The following ACOXL variants were observed in gnomAD, a reference collection of about 807,000 sequenced individuals.
ACOXL encodes the protein acyl-coenzyme A oxidase-like protein.
ACOXL carries 70 observed loss-of-function variants against 71.9 expected under a neutral mutation model. The observed-to-expected ratio is 0.97, with a 90% CI of 0.80 to 1.19. The LOEUF (loss-of-function observed/expected upper bound fraction) is 1.19, where lower values mean the gene tolerates loss of function less well. Among genes scored for constraint, ACOXL ranks in the 50% most tolerant of loss-of-function variants. The probability of loss-of-function intolerance (pLI) is 0.00; values close to 1 mark genes in which losing one functional copy is unlikely to be tolerated. For synonymous variants in ACOXL, 253 were observed against 281.6 expected (o/e 0.90, Z 1.02); for missense variants, 703 against 736.3 (o/e 0.95, Z 0.52).
chr2:111,104,791 A>G (rs1450737087), intron 17 of ACOXL, among the ~76,000 whole-genome samples: 2 of 152,138 alleles, frequency 1.3e-5, no homozygotes, highest in East Asian at 3.8e-4. Flanking sequence ...CTCTTTTAAT[A>G]TGGTCTTCAA....
chr2:110,983,990 C>T (rs1011693050), intron 12 of ACOXL, among the ~76,000 whole-genome samples: 5 of 152,040 alleles, frequency 3.3e-5, no homozygotes, highest in African/African-American at 4.8e-5. Context: ...ACTATAAGCA[C>T]GCACCACCAT....
chr2:111,082,239 C>G (rs1213924422), intron 16 of ACOXL, among the ~76,000 whole-genome samples: 1 of 151,826 alleles, frequency 6.6e-6, no homozygotes, highest in African/African-American at 2.4e-5. Flanking sequence ...AGGCAACCTA[C>G]AGAATGGGAG....
chr2:110,928,247 A>C (rs1334225353), intron 11 of ACOXL, among the ~76,000 whole-genome samples: 2 of 152,252 alleles, frequency 1.3e-5, no homozygotes, highest in Non-Finnish European at 2.9e-5. Context: ...GCACTGTCCT[A>C]AGATTTCATG....
At chr2:110,825,353 C>T (rs888499583) in intron 9 of ACOXL, among the ~76,000 whole-genome samples, 5 of 152,014 alleles carry the variant, frequency 3.3e-5, no homozygotes, top group South Asian at 2.1e-4. Flanking sequence ...GGAAAGCTAC[C>T]CTGTGCCACT....
intron 10 of ACOXL, among the ~76,000 whole-genome samples, chr2:110,865,489 A>G (rs1401526066): frequency 6.6e-6 from 1 of 152,238 alleles, no homozygotes; most frequent in Non-Finnish European, 1.5e-5. Context: ...CGAAGGAGTG[A>G]TGAGTCACCT....
At chr2:111,087,893 A>G (rs1449313481) in intron 16 of ACOXL, among the ~76,000 whole-genome samples, 1 of 152,226 alleles carries the variant, frequency 6.6e-6, no homozygotes, top group Non-Finnish European at 1.5e-5. Flanking sequence ...TTTGCAAACT[A>G]TACATCTGAC....
chr2:111,040,274 A>G (rs2065716633), intron 15 of ACOXL, among the ~76,000 whole-genome samples: 1 of 152,204 alleles, frequency 6.6e-6, no homozygotes, highest in South Asian at 2.1e-4. Context: ...GCCTCAGACC[A>G]TAGGACCAAT....
chr2:110,774,425 G>T (rs1352137673), intron 2 of ACOXL, among the ~76,000 whole-genome samples: 1 of 152,106 alleles, frequency 6.6e-6, no homozygotes, highest in East Asian at 1.9e-4. Context: ...CTTTTATGTA[G>T]AAAACCCCAA....
rs377333994 is a variant in ACOXL, at chr2:110,985,940, G to T, written c.1060-1168G>T. Among the ~76,000 whole-genome samples the T allele has an allele frequency of 3.3e-4, 51 of 152,266 alleles. No individual in the cohort carries two copies. In the East Asian group the frequency reaches 9.5e-3, roughly 28 times the overall value. On this transcript the variant is annotated intron_variant, in intron 12 of 17. Transcript: ENST00000439055. ...AAAGTTTTCAGCATCCCTCTTATTG[G>T]CAGAGTGGCCCTCTTTAAGAGCCTC... is the stretch of plus-strand genomic sequence containing the variant.
chr2:111,102,356 T>C (rs1424426971), intron 17 of ACOXL, among the ~76,000 whole-genome samples: 1 of 152,220 alleles, frequency 6.6e-6, no homozygotes, highest in East Asian at 1.9e-4. Flanking sequence ...ACTCTCATGC[T>C]ATGCCTCACA....
chr2:110,877,273 A>G (rs1193693417), intron 10 of ACOXL, among the ~76,000 whole-genome samples: 1 of 152,180 alleles, frequency 6.6e-6, no homozygotes, highest in Non-Finnish European at 1.5e-5. Context: ...CTCATGGACT[A>G]TCTTCTGCCT....
chr2:110,985,092 C>T (rs1279335347), intron 12 of ACOXL, among the ~76,000 whole-genome samples: 3 of 152,220 alleles, frequency 2.0e-5, no homozygotes, highest in African/African-American at 7.2e-5. Context: ...TTACAGCCAT[C>T]ATAAATTTTA....
At chr2:111,031,185 A>G (rs543826077) in intron 14 of ACOXL, among the ~76,000 whole-genome samples, 2 of 152,340 alleles carry the variant, frequency 1.3e-5, no homozygotes, top group South Asian at 4.1e-4. Context: ...GAGACATAAC[A>G]TGTTTGAGAA....
intron 2 of ACOXL, among the ~76,000 whole-genome samples, chr2:110,770,004 C>A (rs531190586): frequency 6.6e-6 from 1 of 151,294 alleles, no homozygotes; most frequent in East Asian, 1.9e-4. Flanking sequence ...ATCGCACCAC[C>A]GCACTCCAGC....
intron 16 of ACOXL, among the ~76,000 whole-genome samples, chr2:111,074,843 C>A (rs1041270105): frequency 4.6e-5 from 7 of 152,190 alleles, no homozygotes; most frequent in Non-Finnish European, 8.8e-5. Context: ...GATCCACTCA[C>A]CTTGTCCTCC....
At chr2:110,923,794 G>A (rs541221365) in intron 11 of ACOXL, among the ~76,000 whole-genome samples, 87 of 152,160 alleles carry the variant, frequency 5.7e-4, no homozygotes, top group African/African-American at 2.0e-3. Context: ...AAATTAGCTG[G>A]GCGTGGTGGT....
intron 14 of ACOXL, 102 bp downstream of exon 14, chr2:110,996,106 A>T (rs192328200): frequency 2.3e-5 from 22 of 974,202 alleles, no homozygotes; most frequent in African/African-American, 3.3e-5. Flanking sequence ...AGTCAGCCTA[A>T]TGACAAGCTC....
chr2:110,827,380 C>G (rs1255100979), intron 9 of ACOXL, among the ~76,000 whole-genome samples: 2 of 152,124 alleles, frequency 1.3e-5, no homozygotes, highest in Non-Finnish European at 2.9e-5. Context: ...CAGGGCATGG[C>G]AGGTGAATGA....
At chr2:110,983,202 T>G (rs1369818432) in intron 12 of ACOXL, among the ~76,000 whole-genome samples, 1 of 152,260 alleles carries the variant, frequency 6.6e-6, no homozygotes, top group African/African-American at 2.4e-5. Context: ...TGTTAGGCTC[T>G]TTAATCCAAG....
Sources: gnomAD v4.1 joint callset for allele counts (sites outside exome capture counted in the v4.1 genomes callset) on GRCh38, gnomAD v4.1.1 for gene constraint, MANE v1.5 for transcripts, NCBI Gene and HGNC (gene_info 2026-07-23, HGNC 2026-07-21) for gene names.